The following STXBP5L variants were observed in gnomAD, a reference collection of about 807,000 sequenced individuals.
STXBP5L encodes the protein syntaxin-binding protein 5-like.
In STXBP5L, 65 loss-of-function variants were observed where a neutral mutation model predicts 144.5. That is an observed-to-expected ratio of 0.45 (90% CI 0.37 to 0.55). The LOEUF (loss-of-function observed/expected upper bound fraction) is 0.55, where lower values mean the gene tolerates loss of function less well. Among genes scored for constraint, STXBP5L ranks in the 20% least tolerant of loss-of-function variants. The pLI, the probability that STXBP5L is intolerant of heterozygous loss-of-function variation, is 0.00. For missense variants in STXBP5L, 1,298 were observed against 1,405.5 expected (o/e 0.92, Z 1.22); for synonymous variants, 505 against 469.6 (o/e 1.08, Z -0.97).
chr3:121,078,549 G>A (rs1560099883), intron 5 of STXBP5L, among the ~76,000 whole-genome samples: 1 of 152,252 alleles, frequency 6.6e-6, no homozygotes. Flanking sequence ...CAGCCCTTGG[G>A]TGGTCGATGG....
chr3:121,199,970 T>G lies in STXBP5L; in HGVS notation c.878-5953T>G, dbSNP rs148583115. ...TTTTTTTCTTGTGTTTCTGCCAGGT[T>G]TTGGTATCAGGATGATGCTGGCCTC... is the stretch of plus-strand genomic sequence containing the variant. On this transcript the variant is annotated intron_variant, in intron 9 of 26. Transcript: ENST00000471454. Among the ~76,000 whole-genome samples, 82 of 152,304 alleles carry G rather than the reference T, an allele frequency of 5.4e-4. No homozygotes were observed. In the East Asian group the frequency reaches 0.013, roughly 24 times the overall value.
chr3:120,995,730 A>G (rs976315158), intron 3 of STXBP5L, among the ~76,000 whole-genome samples: 1 of 152,104 alleles, frequency 6.6e-6, no homozygotes. Context: ...TTTTACATAC[A>G]TTGAGCGCCA....
chr3:121,341,722 G>A (rs557816058), intron 20 of STXBP5L, among the ~76,000 whole-genome samples: 60 of 152,168 alleles, frequency 3.9e-4, no homozygotes, highest in African/African-American at 1.2e-3. Context: ...CAACATGAAT[G>A]GAACTGGGGG....
chr3:121,089,282 G>A (rs1275409545), intron 5 of STXBP5L, among the ~76,000 whole-genome samples: 1 of 150,980 alleles, frequency 6.6e-6, no homozygotes, highest in African/African-American at 2.4e-5. Flanking sequence ...ATTTTTTATT[G>A]GTCTTTTAAA....
intron 1 of STXBP5L, chr3:120,909,289 G>T (rs937395799): frequency 2.9e-5 from 9 of 312,088 alleles, no homozygotes; most frequent in Non-Finnish European, 4.7e-5. Flanking sequence ...CTGATAAAGC[G>T]TAGTTACAGC....
chr3:121,292,632 A>G (rs1436241875), intron 19 of STXBP5L, among the ~76,000 whole-genome samples: 1 of 152,196 alleles, frequency 6.6e-6, no homozygotes, highest in Admixed American at 6.5e-5. Context: ...ATAATATGGA[A>G]CCAACCCAAA....
chr3:121,174,618 A>G (rs1419086487), intron 9 of STXBP5L, among the ~76,000 whole-genome samples: 1 of 152,146 alleles, frequency 6.6e-6, no homozygotes, highest in South Asian at 2.1e-4. Context: ...CAATAGAAAG[A>G]TTTTGCAAAA....
intron 10 of STXBP5L, among the ~76,000 whole-genome samples, chr3:121,212,138 C>T (rs980106136): frequency 1.3e-5 from 2 of 152,132 alleles, no homozygotes; most frequent in African/African-American, 4.8e-5. Context: ...GGATAGATTG[C>T]AAAAATATCC....
intron 3 of STXBP5L, among the ~76,000 whole-genome samples, chr3:120,960,375 G>A (rs1260262447): frequency 6.6e-6 from 1 of 152,078 alleles, no homozygotes; most frequent in Non-Finnish European, 1.5e-5. Context: ...TCTAGAACTA[G>A]AAATACCATT....
chr3:121,095,091 CT>C (rs1484575574), intron 5 of STXBP5L, among the ~76,000 whole-genome samples: 5 of 152,146 alleles, frequency 3.3e-5, no homozygotes, highest in Non-Finnish European at 7.4e-5. Flanking sequence ...AAATTCTTTT[CT>C]TTAAGAATGT....
chr3:121,385,575 ACT>A (rs2046408896), intron 22 of STXBP5L, among the ~76,000 whole-genome samples: 1 of 152,132 alleles, frequency 6.6e-6, no homozygotes, highest in Admixed American at 6.6e-5. Context: ...TATTTTTAAC[ACT>A]CTTTCATTTC....
intron 5 of STXBP5L, among the ~76,000 whole-genome samples, chr3:121,108,419 T>G (rs1212535692): frequency 2.0e-5 from 3 of 152,200 alleles, no homozygotes; most frequent in Non-Finnish European, 4.4e-5. Flanking sequence ...GTTTTTAACA[T>G]GAAGAGATGT....
At position 121,178,952 on chromosome 3, in the gene STXBP5L, A is replaced by C. The variant is rs376636161; in HGVS notation, c.877+21325A>C. On this transcript the variant is annotated intron_variant, in intron 9 of 26. Transcript: ENST00000471454. ...TTATAGTGGGAATAAACCCCCTTTA[A>C]AAGAATCTGTGGCACAAATGGGAAC... is the stretch of plus-strand genomic sequence containing the variant. Among the ~76,000 whole-genome samples the C allele has an allele frequency of 2.0e-5, 3 of 152,216 alleles. No homozygotes were observed. The East Asian group carries it at 5.8e-4, about 29-fold the overall frequency.
At chr3:121,043,101 A>C (rs976443712) in intron 4 of STXBP5L, among the ~76,000 whole-genome samples, 4 of 152,002 alleles carry the variant, frequency 2.6e-5, no homozygotes, top group African/African-American at 4.8e-5. Flanking sequence ...AGAATAAATA[A>C]AGACAAGCCT....
intron 9 of STXBP5L, among the ~76,000 whole-genome samples, chr3:121,165,707 T>A: frequency 6.6e-6 from 1 of 152,000 alleles, no homozygotes; most frequent in Non-Finnish European, 1.5e-5. Flanking sequence ...AGGCTTCCTG[T>A]CTCACAGATT....
In STXBP5L at chr3:121,279,832, G is replaced by T. The variant is rs561811401; in HGVS notation, c.1986G>T (p.Leu662Phe). The T allele has an allele frequency of 4.3e-5, 70 of 1,612,290 alleles. No homozygotes were observed. Among genetic ancestry groups the T allele is most frequent in the Non-Finnish European group, 5.9e-5 (69 of 1,178,782 alleles). ...GIVAFGNCNG[L>F]AVVDFIQKTV... is the part of the protein sequence containing the mutation. ...TTGCATTTGGGAACTGCAATGGGTT[G>T]GCTGTGGTGGATTTTATACAGAAGA... is the stretch of plus-strand genomic sequence containing the variant. Residue 662 changes from leucine (L) to phenylalanine (F), a missense_variant, in exon 19 of 27, where the codon TTG becomes TTT. Leu to Phe is a conservative substitution (Grantham distance 22, BLOSUM62 0). Transcript: ENST00000471454.
intron 18 of STXBP5L, among the ~76,000 whole-genome samples, chr3:121,265,574 GA>G (rs2050535298): frequency 1.3e-5 from 2 of 152,196 alleles, no homozygotes; most frequent in African/African-American, 4.8e-5. Flanking sequence ...AGAAAAGCAA[GA>G]GCAAAAATAT....
chr3:121,153,656 T>C (rs578210934), intron 8 of STXBP5L, among the ~76,000 whole-genome samples: 1 of 152,048 alleles, frequency 6.6e-6, no homozygotes, highest in East Asian at 1.9e-4. Context: ...TGCTTAAAGA[T>C]ATAAGCCTTC....
intron 5 of STXBP5L, among the ~76,000 whole-genome samples, chr3:121,049,103 C>T (rs144660022): frequency 6.5e-4 from 98 of 151,728 alleles, no homozygotes; most frequent in African/African-American, 2.1e-3. Context: ...CTAGAGACCC[C>T]GGTAGGGAGA....
Sources: allele counts gnomAD v4.1 joint callset (sites outside exome capture counted in the v4.1 genomes callset), GRCh38; gene constraint gnomAD v4.1.1; transcripts MANE v1.5; gene names NCBI Gene and HGNC (gene_info 2026-07-23, HGNC 2026-07-21).